The following MAP3K2 variants were observed in gnomAD, a reference collection of about 807,000 sequenced individuals.
The protein encoded by MAP3K2 is MAP/ERK kinase kinase 2.
Under a neutral mutation model 80.3 loss-of-function variants are expected in MAP3K2, and 24 were observed. The observed-to-expected ratio is 0.30, with a 90% CI of 0.22 to 0.42. The LOEUF is 0.42. Among genes scored for constraint, MAP3K2 ranks in the 10% least tolerant of loss-of-function variants. The pLI, the probability that MAP3K2 is intolerant of heterozygous loss-of-function variation, is 1.00. For synonymous variants in MAP3K2, 244 were observed against 253.7 expected (o/e 0.96, Z 0.36); for missense variants, 608 against 750.1 (o/e 0.81, Z 2.21).
rs2104797075 is a variant in MAP3K2 at position 127,303,229 on chromosome 2, T to TAGAAATTG, written c.*4349_*4350insCAATTTCT. On this transcript the variant is annotated 3_prime_UTR_variant, in exon 17 of 17. Coordinates refer to ENST00000682094, the MANE Select transcript of MAP3K2 (RefSeq NM_001371910.2). ...GGAACTGTCCTGATCTTAGTATAAA[T>TAGAAATTG]AACACTGTTGACAGAGTTCAATTTC... 1 of 151,810 alleles carries TAGAAATTG rather than the reference T, an allele frequency of 6.6e-6. No homozygotes were observed. The highest frequency in any genetic ancestry group is 6.6e-5 in the Admixed American group (1 of 15,220). 9.4% of individuals were successfully genotyped at this position (151,810 alleles called of 1,614,324 possible).
At chr2:127,385,960 T>C (rs547567737) in intron 1 of MAP3K2, among the ~76,000 whole-genome samples, 26 of 152,340 alleles carry the variant, frequency 1.7e-4, no homozygotes, top group African/African-American at 6.3e-4. Flanking sequence ...AACCATTCTA[T>C]AATGATATCA....
At chr2:127,329,331 ATTT>A (rs1351473373) in intron 7 of MAP3K2, among the ~76,000 whole-genome samples, 2 of 150,312 alleles carry the variant, frequency 1.3e-5, no homozygotes, top group Admixed American at 1.3e-4. Context: ...ACTTCTTTTA[ATTT>A]TTTTCCTCCA....
upstream of MAP3K2, chr2:127,388,335 G>T (rs189482357): frequency 3.1e-5 from 31 of 985,420 alleles, no homozygotes; most frequent in Non-Finnish European, 3.6e-5. Flanking sequence ...GCTGTGGACA[G>T]GGCCCAAGGG....
intron 1 of MAP3K2, among the ~76,000 whole-genome samples, chr2:127,352,024 G>A (rs148577096): frequency 3.6e-4 from 55 of 151,966 alleles, no homozygotes; most frequent in African/African-American, 9.7e-4. Flanking sequence ...CTACAGGTAC[G>A]CACCACCATG....
At chr2:127,343,004 A>G in intron 2 of MAP3K2, 122 bp downstream of exon 2, 1 of 679,744 alleles carries the variant, frequency 1.5e-6, no homozygotes, top group Non-Finnish European at 2.5e-6. Flanking sequence ...ACATTTCATA[A>G]ATCTGCTATA....
intron 7 of MAP3K2, among the ~76,000 whole-genome samples, chr2:127,329,637 G>C (rs1014531910): frequency 6.6e-6 from 1 of 152,188 alleles, no homozygotes; most frequent in Non-Finnish European, 1.5e-5. Context: ...TTACAGGCAT[G>C]AGCTACCGCG....
intron 1 of MAP3K2, among the ~76,000 whole-genome samples, chr2:127,369,469 A>T (rs1202360249): frequency 0.032 from 454 of 14,196 alleles, 3 homozygotes; most frequent in Admixed American, 0.061. Context: ...CGTCTCTACT[A>T]AAAAAAAAAA....
At chr2:127,340,679 G>A (rs1017122516) in intron 2 of MAP3K2, among the ~76,000 whole-genome samples, 4 of 150,850 alleles carry the variant, frequency 2.7e-5, no homozygotes, top group African/African-American at 9.7e-5. Flanking sequence ...AAAAAAAAAA[G>A]GTAAATCCTT....
intron 1 of MAP3K2, among the ~76,000 whole-genome samples, chr2:127,371,249 T>C (rs1029707285): frequency 1.3e-5 from 2 of 152,148 alleles, no homozygotes; most frequent in African/African-American, 4.8e-5. Flanking sequence ...CGATGAGTTG[T>C]GCGAACAACA....
chr2:127,308,558 T>G (rs772459044), intron 16 of MAP3K2, 27 bp downstream of exon 16: 21 of 1,527,728 alleles, frequency 1.4e-5, no homozygotes, highest in Non-Finnish European at 1.9e-5. Context: ...CAGGTGGTTT[T>G]CAAGCAAACT....
Position 127,323,947 on chromosome 2 carries a change from G to T in MAP3K2, c.793C>A (p.Pro265Thr). 1.3e-6 allele frequency: 2 copies of T among 1,567,786 alleles called. No homozygotes were observed. Among genetic ancestry groups the T allele is most frequent in the Non-Finnish European group, 1.7e-6 (2 of 1,149,492 alleles). Reference protein sequence around the residue: ...FEKFGKGGTYPRRYHVSYHHQ... With the variant: ...FEKFGKGGTYTRRYHVSYHHQ... Reference sequence around the variant, plus strand: ...TGATATGAAACATGATACCTTCTTGGATATGTTCCTCCTTTTCCAAATTTC... The same window carrying T: ...TGATATGAAACATGATACCTTCTTGTATATGTTCCTCCTTTTCCAAATTTC... The change falls in exon 11 of 17, where the codon CCA (proline) becomes ACA (threonine). Residue 265 changes from proline to threonine, a missense_variant. Physicochemically the swap from Pro to Thr is conservative, Grantham distance 38 (BLOSUM62 -1). Transcript: ENST00000682094.
chr2:127,325,103 C>T (rs1686106303), intron 9 of MAP3K2, among the ~76,000 whole-genome samples: 1 of 152,160 alleles, frequency 6.6e-6, no homozygotes, highest in Non-Finnish European at 1.5e-5. Flanking sequence ...TTTTCATAAA[C>T]ACAGTTTTAA....
chr2:127,355,756 T>C (rs1332761543), intron 1 of MAP3K2, among the ~76,000 whole-genome samples: 1 of 152,142 alleles, frequency 6.6e-6, no homozygotes, highest in Admixed American at 6.5e-5. Context: ...CTTCCTTTCA[T>C]GAAAAATTTT....
At chr2:127,375,714 C>T (rs1687140905) in intron 1 of MAP3K2, among the ~76,000 whole-genome samples, 1 of 152,076 alleles carries the variant, frequency 6.6e-6, no homozygotes, top group South Asian at 2.1e-4. Flanking sequence ...CTAGTACCTG[C>T]TACACTCTAT....
intron 10 of MAP3K2, 62 bp from the exon 11 acceptor site, chr2:127,324,056 A>T (rs1396756863): frequency 9.1e-7 from 1 of 1,096,128 alleles, no homozygotes; most frequent in African/African-American, 1.6e-5. Flanking sequence ...ATTTCTAATG[A>T]TGAAAAGCAC....
At chr2:127,373,627 A>G (rs1366926078) in intron 1 of MAP3K2, among the ~76,000 whole-genome samples, 2 of 152,222 alleles carry the variant, frequency 1.3e-5, no homozygotes, top group African/African-American at 4.8e-5. Flanking sequence ...GATCGCACAG[A>G]TCCATGATAT....
intron 15 of MAP3K2, among the ~76,000 whole-genome samples, chr2:127,311,070 C>A (rs1167220375): frequency 1.3e-5 from 2 of 152,142 alleles, no homozygotes; most frequent in African/African-American, 4.8e-5. Context: ...GACCCCACCC[C>A]TATCACGGGG....
rs957229433 is a variant in MAP3K2 at position 127,387,974 on chromosome 2, A to T, written c.-588T>A. ...GGCAGCCACTACACACGGACCCGTG[A>T]CGTCGGGCGTAGCGCGGCGCACGTC... On this transcript the variant is annotated 5_prime_UTR_variant, in exon 1 of 17. Transcript: ENST00000682094. 1.0e-6 allele frequency: 1 copy of T among 984,032 alleles called. No homozygotes were observed. Among genetic ancestry groups the T allele is most frequent in the African/African-American group, 1.8e-5 (1 of 56,974 alleles). 61.0% of individuals were successfully genotyped at this position (984,032 alleles called of 1,614,324 possible).
chr2:127,382,609 T>G (rs1687265700), intron 1 of MAP3K2, among the ~76,000 whole-genome samples: 1 of 152,268 alleles, frequency 6.6e-6, no homozygotes. Context: ...CTTGGCTTAC[T>G]GCAGCCTCCA....
Sources: allele counts gnomAD v4.1 joint callset (sites outside exome capture counted in the v4.1 genomes callset), GRCh38; gene constraint gnomAD v4.1.1; transcripts MANE v1.5; gene names NCBI Gene and HGNC (gene_info 2026-07-23, HGNC 2026-07-21).